The following PCDHGB2 variants were observed in gnomAD, a reference collection of about 807,000 sequenced individuals.
The protein encoded by PCDHGB2 is protocadherin gamma-B2.
In PCDHGB2, 55 loss-of-function variants were observed where a neutral mutation model predicts 59.3. The ratio of observed to expected loss-of-function variants is 0.93; its 90% CI spans 0.75 to 1.16. PCDHGB2 has a LOEUF of 1.16. Ranked by LOEUF, PCDHGB2 falls within the 50% of genes most tolerant of loss-of-function variation. The pLI, the probability that PCDHGB2 is intolerant of heterozygous loss-of-function variation, is 0.00. For missense variants in PCDHGB2, 1,228 were observed against 1,198.5 expected, an observed-to-expected ratio of 1.02 and a Z score of -0.36; for synonymous variants, 516 against 512.0, an observed-to-expected ratio of 1.01 and a Z score of -0.11.
intron 1 of PCDHGB2, among the ~76,000 whole-genome samples, chr5:141,447,600 T>G (rs769487703): frequency 6.6e-6 from 1 of 151,992 alleles, no homozygotes; most frequent in Non-Finnish European, 1.5e-5. Flanking sequence ...TCCTATAGAG[T>G]CCTTAGCATT....
At chr5:141,410,526 C>T in intron 1 of PCDHGB2, 4 of 1,613,920 alleles carry the variant, frequency 2.5e-6, no homozygotes, top group Non-Finnish European at 3.4e-6. Context: ...CCCCTACATT[C>T]CAATGAAGAC....
chr5:141,468,159 T>C (rs1408861467), intron 1 of PCDHGB2, among the ~76,000 whole-genome samples: 2 of 151,760 alleles, frequency 1.3e-5, no homozygotes, highest in Admixed American at 6.6e-5. Context: ...ACCCTGTCTC[T>C]GCTAAAAATA....
At chr5:141,404,524 G>GTTT in intron 1 of PCDHGB2, 7 of 1,613,938 alleles carry the variant, frequency 4.3e-6, no homozygotes, top group Non-Finnish European at 5.9e-6. Context: ...ACTATGAGCA[G>GTTT]TTTAGAGATT....
At chr5:141,389,390 C>A (rs759786018) in intron 1 of PCDHGB2, 1 of 1,613,718 alleles carries the variant, frequency 6.2e-7, no homozygotes, top group Non-Finnish European at 8.5e-7. Context: ...TGTCATCCTA[C>A]GTGTCCATAA....
rs1374094845 is a variant in PCDHGB2, at chr5:141,476,576, T to A, written c.2422-18231T>A. On this transcript the variant is annotated intron_variant, in intron 1 of 3. Coordinates refer to ENST00000522605, the MANE Select transcript of PCDHGB2 (RefSeq NM_018923.3). The surrounding 1 kb of genome is among the most constrained non-coding windows in gnomAD (Gnocchi z 7.6). Reference sequence around the variant, plus strand: ...CGAGGCCGTGGCTCCGGGGACGCGCTTTCCGCTCGAGAGCGCGCACGATCC... The same window carrying A: ...CGAGGCCGTGGCTCCGGGGACGCGCATTCCGCTCGAGAGCGCGCACGATCC... 3 of 1,614,102 alleles carry A rather than the reference T, an allele frequency of 1.9e-6. No individual in the cohort carries two copies. Among genetic ancestry groups the A allele is most frequent in the Middle Eastern group, 1.6e-4 (1 of 6,084 alleles).
intron 1 of PCDHGB2, among the ~76,000 whole-genome samples, chr5:141,482,757 T>G: frequency 7.9e-6 from 1 of 127,194 alleles, no homozygotes; most frequent in Admixed American, 7.7e-5. Flanking sequence ...GATTATGGTA[T>G]TTCATTATCA....
At position 141,476,581 on chromosome 5, in the gene PCDHGB2, G is replaced by A. The variant is rs1393235114; in HGVS notation, c.2422-18226G>A. The A allele has an allele frequency of 5.0e-6, 8 of 1,614,230 alleles. No individual in the cohort carries two copies. The highest frequency in any genetic ancestry group is 6.8e-6 in the Non-Finnish European group (8 of 1,180,042). ...CCGTGGCTCCGGGGACGCGCTTTCC[G>A]CTCGAGAGCGCGCACGATCCCGATG... On this transcript the variant is annotated intron_variant, in intron 1 of 3. Transcript: ENST00000522605. This position sits in a 1 kb window ranked among gnomAD's most constrained non-coding sequence, Gnocchi z 7.6.
intron 1 of PCDHGB2, chr5:141,371,244 A>G (rs1767599935): frequency 1.2e-6 from 2 of 1,613,920 alleles, no homozygotes; most frequent in South Asian, 2.2e-5. Context: ...CTTCATCAAT[A>G]TTGGCAAGGA....
intron 1 of PCDHGB2, chr5:141,400,289 G>A: frequency 6.2e-7 from 1 of 1,614,074 alleles, no homozygotes; most frequent in South Asian, 1.1e-5. Context: ...GCCGCCTGGA[G>A]CTGCTTCCAA....
At chr5:141,418,946 G>A in intron 1 of PCDHGB2, 3 of 1,614,018 alleles carry the variant, frequency 1.9e-6, no homozygotes, top group South Asian at 1.1e-5. Flanking sequence ...TTCCCCTCCA[G>A]GAGTGGTTGT....
Position 141,487,622 on chromosome 5 carries a change from C to A in PCDHGB2, c.2422-7185C>A. 1 of 1,614,174 alleles carries A rather than the reference C, an allele frequency of 6.2e-7. No homozygotes were observed. Among genetic ancestry groups the A allele is most frequent in the Non-Finnish European group, 8.5e-7 (1 of 1,180,030 alleles). ...TCTTCTCTATGGGCTAGAGGTGAGACCTTTGCAGGCTCAACAAATGCTTGA... is the reference window on the plus strand; with the variant it reads ...TCTTCTCTATGGGCTAGAGGTGAGAACTTTGCAGGCTCAACAAATGCTTGA... On this transcript the variant is annotated intron_variant, in intron 1 of 3. Transcript: ENST00000522605. The surrounding 1 kb of genome is among the most constrained non-coding windows in gnomAD (Gnocchi z 5.0).
intron 1 of PCDHGB2, chr5:141,484,931 A>T: frequency 4.0e-6 from 2 of 498,120 alleles, no homozygotes; most frequent in South Asian, 5.3e-5. Context: ...TGCTGTTGGG[A>T]CGTTCTCTGC....
At chr5:141,436,053 A>G (rs971342534) in intron 1 of PCDHGB2, among the ~76,000 whole-genome samples, 2 of 152,232 alleles carry the variant, frequency 1.3e-5, no homozygotes, top group African/African-American at 2.4e-5. Flanking sequence ...TAGTTTTCAA[A>G]TAGAATTTAA....
intron 1 of PCDHGB2, chr5:141,370,831 C>T (rs1445899321): frequency 6.2e-7 from 1 of 1,613,948 alleles, no homozygotes; most frequent in Non-Finnish European, 8.5e-7. Context: ...AGCGAACTGG[C>T]TCTCACTGGA....
At chr5:141,374,236 T>C in intron 1 of PCDHGB2, 1 of 1,613,974 alleles carries the variant, frequency 6.2e-7, no homozygotes, top group Non-Finnish European at 8.5e-7. Flanking sequence ...TCGTCAAGGA[T>C]CTGGGACTGG....
intron 1 of PCDHGB2, among the ~76,000 whole-genome samples, chr5:141,454,985 A>G (rs1292477757): frequency 1.3e-5 from 2 of 150,314 alleles, no homozygotes; most frequent in African/African-American, 4.9e-5. Context: ...TTTTTTAAAA[A>G]ATATTTTTAG....
In PCDHGB2 at chr5:141,477,041, C is replaced by A; in HGVS notation, c.2422-17766C>A. 3 of 1,614,242 alleles carry A rather than the reference C, an allele frequency of 1.9e-6. No individual in the cohort carries two copies. Among genetic ancestry groups the A allele is most frequent in the Admixed American group, 1.7e-5 (1 of 60,036 alleles). Reference sequence around the variant, plus strand: ...AACCGGGATGCTGACAATCAAGGGTCGGCTGGACTTCGAGGACACCAAACT... The same window carrying A: ...AACCGGGATGCTGACAATCAAGGGTAGGCTGGACTTCGAGGACACCAAACT... On this transcript the variant is annotated intron_variant, in intron 1 of 3. Transcript: ENST00000522605. The surrounding 1 kb of genome is among the most constrained non-coding windows in gnomAD (Gnocchi z 4.9).
chr5:141,415,076 G>A (rs772523894), intron 1 of PCDHGB2: 3 of 1,613,462 alleles, frequency 1.9e-6, no homozygotes, highest in South Asian at 1.1e-5. Context: ...CGCACGGCGC[G>A]AGCCCTGCTG....
Position 141,360,594 on chromosome 5 carries a change from A to T in PCDHGB2, c.459A>T (p.Pro153=), listed in dbSNP as rs1375239245. The T allele has an allele frequency of 1.2e-6, 2 of 1,614,032 alleles. No homozygotes were observed. Among genetic ancestry groups the T allele is most frequent in the Admixed American group, 3.3e-5 (2 of 60,030 alleles). Residue 153 remains proline (P), a synonymous_variant, in exon 1 of 4, where the codon CCA becomes CCT. Coordinates refer to ENST00000522605, the MANE Select transcript of PCDHGB2 (RefSeq NM_018923.3). ...CCACTAAGCCAGGTACAACATTTCCACTTGACCCAGCCCTGGATTCAGATG... is the reference window on the plus strand; with the variant it reads ...CCACTAAGCCAGGTACAACATTTCCTCTTGACCCAGCCCTGGATTCAGATG... The part of the protein sequence containing the change: ...GESTKPGTTF[P]LDPALDSDVG...
Sources: allele counts gnomAD v4.1 joint callset (sites outside exome capture counted in the v4.1 genomes callset), GRCh38; gene constraint gnomAD v4.1.1; non-coding constraint Gnocchi (gnomAD v3.1); transcripts MANE v1.5; gene names NCBI Gene and HGNC (gene_info 2026-07-23, HGNC 2026-07-21).